The following GOT1 variants were observed in gnomAD, a reference collection of about 807,000 sequenced individuals.
GOT1 encodes the protein glutamic-oxaloacetic transaminase 1.
GOT1 carries 25 observed loss-of-function variants against 48.2 expected under a neutral mutation model. The observed-to-expected ratio is 0.52, with a 90% CI of 0.38 to 0.72. The LOEUF (loss-of-function observed/expected upper bound fraction) is 0.72. Among genes scored for constraint, GOT1 ranks in the 30% least tolerant of loss-of-function variants. The pLI, the probability that GOT1 is intolerant of heterozygous loss-of-function variation, is 0.00. For synonymous variants in GOT1, 188 were observed against 193.8 expected, an observed-to-expected ratio of 0.97 and a Z score of 0.25; for missense variants, 380 against 520.1, an observed-to-expected ratio of 0.73 and a Z score of 2.62.
In GOT1 at chr10:99,397,564, C is replaced by G. The variant is rs2032617089; in HGVS notation, c.1225G>C (p.Val409Leu). The change falls in exon 9 of 9, where the codon GTC becomes CTC. Residue 409 changes from valine (V) to leucine (L), a missense_variant. Transcript: ENST00000370508. This position sits in a 1 kb window ranked among gnomAD's most constrained non-coding sequence, Gnocchi z 5.4. ...GTGTTTCTTCACTGGATTTTGGTGA[C>G]TGCTTCATGGATGGAGGTGGCCACG... ...DYVATSIHEAVTKIQ is the reference protein window; with the variant it reads ...DYVATSIHEALTKIQ The G allele has an allele frequency of 6.2e-7, 1 of 1,614,006 alleles. No homozygotes were observed. Among genetic ancestry groups the G allele is most frequent in the Admixed American group, 1.7e-5 (1 of 60,016 alleles).
chr10:99,411,934 T>C (rs564630523), intron 2 of GOT1, among the ~76,000 whole-genome samples: 6 of 152,334 alleles, frequency 3.9e-5, no homozygotes, highest in African/African-American at 1.2e-4. Flanking sequence ...TTATCCATTA[T>C]AGTAAGAACA....
chr10:99,401,766 CTAGATT>C (rs1345823836), intron 8 of GOT1, among the ~76,000 whole-genome samples: 1 of 152,004 alleles, frequency 6.6e-6, no homozygotes, highest in Admixed American at 6.6e-5. Context: ...TGACCACCTA[CTAGATT>C]TTCAATCAGC....
intron 1 of GOT1, among the ~76,000 whole-genome samples, chr10:99,427,002 G>A (rs1008842104): frequency 2.0e-5 from 3 of 152,066 alleles, no homozygotes; most frequent in African/African-American, 7.3e-5. Flanking sequence ...GACATATAAC[G>A]GCTGGAAGGA....
chr10:99,427,264 T>A (rs2033050654), intron 1 of GOT1, among the ~76,000 whole-genome samples: 1 of 152,048 alleles, frequency 6.6e-6, no homozygotes, highest in African/African-American at 2.4e-5. Context: ...CTTTTTTATT[T>A]ATTTATTTAT....
Position 99,406,742 on chromosome 10 carries a change from C to T in GOT1, c.408G>A (p.Val136=). ...GTNNKNTPVY[V]SSPTWENHNA... ...AAGACTCACCCCAGGTTGGTGAGGA[C>T]ACATAGACAGGTGTGTTCTTGTTGT... is the stretch of plus-strand genomic sequence containing the variant. The change falls in exon 3 of 9, where the codon GTG becomes GTA. Residue 136 remains valine (V), a synonymous_variant. Coordinates refer to ENST00000370508, the MANE Select transcript of GOT1 (RefSeq NM_002079.3). The T allele has an allele frequency of 6.2e-7, 1 of 1,613,930 alleles. No homozygotes were observed.
At position 99,405,852 on chromosome 10, in the gene GOT1, AG is replaced by A. The variant is rs1564969883; in HGVS notation, c.545del (p.Pro182LeufsTer32). ...CGTGGAGGACAACAATGGAGAACTC[AG>A]GAGCATTCTGAGGAGAAGGAAGCTA... ...QGFLNDLENAPEFSIVVLHAC... is the reference protein window; with the variant it reads ...QGFLNDLENAXEFSIVVLHAC... On this transcript the variant is annotated frameshift_variant, in exon 5 of 9. Coordinates refer to ENST00000370508, the MANE Select transcript of GOT1 (RefSeq NM_002079.3). LOFTEE classifies it high-confidence loss of function. 6.3e-7 allele frequency: 1 copy of A among 1,591,886 alleles called. No individual in the cohort carries two copies. Among genetic ancestry groups the A allele is most frequent in the Non-Finnish European group, 8.6e-7 (1 of 1,159,568 alleles).
At chr10:99,428,342 C>T (rs1464317811) in intron 1 of GOT1, among the ~76,000 whole-genome samples, 4 of 151,558 alleles carry the variant, frequency 2.6e-5, no homozygotes, top group Non-Finnish European at 5.9e-5. Context: ...ATAAATCTGA[C>T]GTGGTTTTTT....
At chr10:99,419,198 T>C (rs2032936552) in intron 2 of GOT1, among the ~76,000 whole-genome samples, 1 of 152,188 alleles carries the variant, frequency 6.6e-6, no homozygotes, top group African/African-American at 2.4e-5. Context: ...TGTGGTTTCC[T>C]CAATGCATGA....
intron 1 of GOT1, among the ~76,000 whole-genome samples, chr10:99,424,523 T>C (rs4328160): frequency 0.15 from 22,116 of 152,242 alleles, 2,094 homozygotes; most frequent in African/African-American, 0.27. Flanking sequence ...CTGGGTGTTA[T>C]ATCTATTCTA....
chr10:99,397,757 T>C lies in GOT1; in HGVS notation c.1103-71A>G. 1 of 1,414,124 alleles carries C rather than the reference T, an allele frequency of 7.1e-7. No homozygotes were observed. Among genetic ancestry groups the C allele is most frequent in the Non-Finnish European group, 1.0e-6 (1 of 1,003,696 alleles). The allele number at this position is 1,414,124 out of a possible 1,614,324, so 87.6% of individuals were successfully genotyped here. ...TAAAGCAGTGGAGGCTCAGCAATTA[T>C]ATGACAATTACAGCTTTACTTCTTT... On this transcript the variant is annotated intron_variant, in intron 8 of 8. Transcript: ENST00000370508. This position sits in a 1 kb window ranked among gnomAD's most constrained non-coding sequence, Gnocchi z 5.4.
chr10:99,427,084 T>C (rs2033048309), intron 1 of GOT1, among the ~76,000 whole-genome samples: 1 of 152,212 alleles, frequency 6.6e-6, no homozygotes, highest in African/African-American at 2.4e-5. Flanking sequence ...GTCACAGTGA[T>C]GATCAAAAAT....
intron 1 of GOT1, among the ~76,000 whole-genome samples, chr10:99,425,052 GATAAA>G (rs2033021124): frequency 6.6e-6 from 1 of 152,220 alleles, no homozygotes; most frequent in South Asian, 2.1e-4. Flanking sequence ...TATAGAGATT[GATAAA>G]ATAAGATCCC....
intron 2 of GOT1, among the ~76,000 whole-genome samples, chr10:99,418,594 T>C (rs1376725095): frequency 6.6e-6 from 1 of 151,798 alleles, no homozygotes; most frequent in Non-Finnish European, 1.5e-5. Context: ...CTCCACTTCT[T>C]GGGGTCAAGC....
chr10:99,406,079 C>T (rs1335886226), intron 4 of GOT1, 58 bp downstream of exon 4: 1 of 1,196,150 alleles, frequency 8.4e-7, no homozygotes, highest in Non-Finnish European at 1.2e-6. Flanking sequence ...GGTCCAAAGA[C>T]TTTGCCTGAG....
chr10:99,398,258 G>A (rs1014945377), intron 8 of GOT1, among the ~76,000 whole-genome samples: 5 of 152,224 alleles, frequency 3.3e-5, no homozygotes, highest in African/African-American at 1.2e-4. Context: ...CTCAGATGCA[G>A]TAGTTTTTCC....
At chr10:99,423,919 G>T (rs1465275105) in intron 1 of GOT1, among the ~76,000 whole-genome samples, 1 of 151,950 alleles carries the variant, frequency 6.6e-6, no homozygotes. Flanking sequence ...GACTTCCAAA[G>T]TGCTGGGATT....
chr10:99,422,587 T>C (rs1242828766), intron 1 of GOT1, among the ~76,000 whole-genome samples: 1 of 152,194 alleles, frequency 6.6e-6, no homozygotes, highest in Non-Finnish European at 1.5e-5. Flanking sequence ...ATAGGTGACA[T>C]GTTTGCATGT....
chr10:99,408,746 G>A (rs977532245), intron 2 of GOT1, among the ~76,000 whole-genome samples: 3 of 152,072 alleles, frequency 2.0e-5, no homozygotes, highest in African/African-American at 7.2e-5. Context: ...AATACAAGGA[G>A]GGACACACGC....
chr10:99,407,905 T>A (rs1368709539), intron 2 of GOT1, among the ~76,000 whole-genome samples: 1 of 152,050 alleles, frequency 6.6e-6, no homozygotes, highest in Non-Finnish European at 1.5e-5. Context: ...CAACCCGTCA[T>A]CTAGGTTTTA....
Sources: gnomAD v4.1 joint callset for allele counts (sites outside exome capture counted in the v4.1 genomes callset) on GRCh38, gnomAD v4.1.1 for gene constraint, Gnocchi (gnomAD v3.1) non-coding constraint, MANE v1.5 for transcripts, NCBI Gene and HGNC (gene_info 2026-07-23, HGNC 2026-07-21) for gene names.